Variants in ABCA13 observed in about 807,000 individuals in gnomAD.
ABCA13 encodes ATP-binding cassette sub-family A member 13.
In ABCA13, 476 loss-of-function variants were observed where a neutral mutation model predicts 478.7. The observed-to-expected ratio is 0.99, with a 90% CI of 0.92 to 1.07. ABCA13 has a LOEUF of 1.07. Ranked by LOEUF, ABCA13 falls within the 50% of genes least tolerant of loss-of-function variation. The pLI is 0.00. For synonymous variants in ABCA13, 2,252 were observed against 2,158.9 expected (o/e 1.04, Z -1.20); for missense variants, 6,060 against 5,910.6 (o/e 1.03, Z -0.83).
At chr7:48,308,959 A>T (rs1426699150) in intron 23 of ABCA13, among the ~76,000 whole-genome samples, 1 of 145,004 alleles carries the variant, frequency 6.9e-6, no homozygotes, top group Non-Finnish European at 1.5e-5. Context: ...GCACACTATG[A>T]TGTTCACACA....
At chr7:48,347,338 T>C (rs1239408936) in intron 29 of ABCA13, among the ~76,000 whole-genome samples, 2 of 152,178 alleles carry the variant, frequency 1.3e-5, no homozygotes, top group African/African-American at 2.4e-5. Context: ...TTTCACGGAA[T>C]TTTCACCTTC....
Position 48,358,929 on chromosome 7 carries a change from G to A in ABCA13, c.10688+6442G>A, listed in dbSNP as rs1414886359. Among the ~76,000 whole-genome samples the A allele has an allele frequency of 2.6e-5, 4 of 151,978 alleles. No homozygotes were observed. In the East Asian group the frequency reaches 5.8e-4, roughly 22 times the overall value. On this transcript the variant is annotated intron_variant, in intron 31 of 61. Transcript: ENST00000435803. Reference sequence around the variant, plus strand: ...TGCATCTCACCTTCTAAGTTTATCCGATCTCTTTCGAGCTTCCTGGATCCC... The same window carrying A: ...TGCATCTCACCTTCTAAGTTTATCCAATCTCTTTCGAGCTTCCTGGATCCC...
intron 3 of ABCA13, among the ~76,000 whole-genome samples, chr7:48,216,487 G>A (rs543966314): frequency 6.6e-6 from 1 of 152,204 alleles, no homozygotes; most frequent in Non-Finnish European, 1.5e-5. Context: ...ATATTTTACA[G>A]ACAAGTCCCT....
Position 48,427,650 on chromosome 7 carries a change from T to C in ABCA13, c.12460-116T>C, listed in dbSNP as rs1821610597. 1.2e-5 allele frequency: 8 copies of C among 663,436 alleles called. 1 individual carries two copies. In the South Asian group the frequency reaches 1.5e-4, roughly 12 times the overall value. The allele number at this position is 663,436 out of a possible 1,614,324, so 41.1% of individuals were successfully genotyped here. ...TAAATGGATGGCTAAATGAAATATATGGGGTGTGTTTGGCATATGTTGTCA... is the reference window on the plus strand; with the variant it reads ...TAAATGGATGGCTAAATGAAATATACGGGGTGTGTTTGGCATATGTTGTCA... On this transcript the variant is annotated intron_variant, in intron 41 of 61. Coordinates refer to ENST00000435803, the MANE Select transcript of ABCA13 (RefSeq NM_152701.5).
At chr7:48,581,204 G>A (rs1342733643) in intron 56 of ABCA13, among the ~76,000 whole-genome samples, 1 of 152,176 alleles carries the variant, frequency 6.6e-6, no homozygotes, top group Non-Finnish European at 1.5e-5. Flanking sequence ...TAGATTCTGC[G>A]GGAGAGGGAA....
chr7:48,565,899 T>C (rs1248273025), intron 55 of ABCA13, among the ~76,000 whole-genome samples: 1 of 152,150 alleles, frequency 6.6e-6, no homozygotes, highest in Non-Finnish European at 1.5e-5. Context: ...GACATTCCTG[T>C]TAACACACAA....
chr7:48,365,609 G>C (rs888771642), intron 31 of ABCA13, among the ~76,000 whole-genome samples: 1 of 152,148 alleles, frequency 6.6e-6, no homozygotes, highest in African/African-American at 2.4e-5. Context: ...CAAGAGATAA[G>C]GCTCTAGTTT....
intron 51 of ABCA13, among the ~76,000 whole-genome samples, chr7:48,512,184 A>G (rs571428668): frequency 1.3e-5 from 2 of 152,204 alleles, no homozygotes; most frequent in South Asian, 4.1e-4. Context: ...CTTTTGGGGG[A>G]ACATTGATAT....
At chr7:48,623,353 G>C (rs1394561679) in intron 59 of ABCA13, among the ~76,000 whole-genome samples, 1 of 152,056 alleles carries the variant, frequency 6.6e-6, no homozygotes, top group Admixed American at 6.6e-5. Context: ...ATCTATGTCT[G>C]AGAAAGAAAT....
chr7:48,527,746 T>C (rs1047079032), intron 54 of ABCA13, among the ~76,000 whole-genome samples: 7 of 151,982 alleles, frequency 4.6e-5, no homozygotes, highest in Non-Finnish European at 8.8e-5. Context: ...AAAGAAGATA[T>C]ATAAGAAAGC....
At chr7:48,471,418 G>A in intron 44 of ABCA13, 112 bp from the exon 45 acceptor site, 1 of 922,620 alleles carries the variant, frequency 1.1e-6, no homozygotes, top group Non-Finnish European at 1.7e-6. Context: ...CTCGGCAGTG[G>A]GAGATGATTA....
intron 32 of ABCA13, among the ~76,000 whole-genome samples, chr7:48,368,114 A>G (rs1811972419): frequency 6.6e-6 from 1 of 152,152 alleles, no homozygotes; most frequent in Non-Finnish European, 1.5e-5. Context: ...TTTTCCACTG[A>G]CATGAAAGAA....
At chr7:48,439,356 T>C (rs1371220434) in intron 42 of ABCA13, among the ~76,000 whole-genome samples, 1 of 152,166 alleles carries the variant, frequency 6.6e-6, no homozygotes, top group Non-Finnish European at 1.5e-5. Context: ...CTTAGCTATG[T>C]GATAAAATGT....
At chr7:48,331,833 A>G (rs1805450752) in intron 27 of ABCA13, among the ~76,000 whole-genome samples, 1 of 152,156 alleles carries the variant, frequency 6.6e-6, no homozygotes, top group Admixed American at 6.5e-5. Flanking sequence ...CTGAAGCAGA[A>G]CAACCATATC....
chr7:48,547,210 A>G (rs1186592643), intron 55 of ABCA13, among the ~76,000 whole-genome samples: 2 of 151,884 alleles, frequency 1.3e-5, no homozygotes, highest in East Asian at 3.9e-4. Context: ...TTACATCATC[A>G]TATCAAAATG....
intron 55 of ABCA13, among the ~76,000 whole-genome samples, chr7:48,540,417 T>A (rs1164179042): frequency 6.6e-6 from 1 of 152,154 alleles, no homozygotes. Flanking sequence ...ATACTCCATA[T>A]CTGTGTAATT....
chr7:48,616,001 T>A (rs12538472), intron 59 of ABCA13, among the ~76,000 whole-genome samples: 19,676 of 152,168 alleles, frequency 0.13, 1,693 homozygotes, highest in Admixed American at 0.22. Context: ...CATTGTTACA[T>A]CCTGGTATAA....
chr7:48,500,807 G>A (rs556815464), intron 48 of ABCA13, among the ~76,000 whole-genome samples: 8 of 152,106 alleles, frequency 5.3e-5, no homozygotes, highest in Non-Finnish European at 1.2e-4. Flanking sequence ...CTGTGCATCT[G>A]GAATCTACCT....
rs1195817168 is a variant in ABCA13, at chr7:48,297,411, TATATGTG to T, written c.9199+104_9199+110del. On this transcript the variant is annotated intron_variant, in intron 22 of 61. Coordinates refer to ENST00000435803, the MANE Select transcript of ABCA13 (RefSeq NM_152701.5). ...AAAACATACAACAGAAAATTTATGC[TATATGTG>T]ATACATAATCATTTACAACTTGGCT... The T allele has an allele frequency of 9.7e-6, 11 of 1,136,492 alleles. No homozygotes were observed. The South Asian group carries it at 1.4e-4, about 15-fold the overall frequency. 70.4% of individuals were successfully genotyped at this position (1,136,492 alleles called of 1,614,324 possible). A position where few individuals can be genotyped will look rare whatever the true frequency, so the allele number is the denominator to read the frequency against.
Sources: allele counts gnomAD v4.1 joint callset (sites outside exome capture counted in the v4.1 genomes callset), GRCh38; gene constraint gnomAD v4.1.1; transcripts MANE v1.5; gene names NCBI Gene and HGNC (gene_info 2026-07-23, HGNC 2026-07-21).